The following ALOX12 variants were observed in gnomAD, a reference collection of about 807,000 sequenced individuals.
ALOX12 encodes the protein polyunsaturated fatty acid lipoxygenase ALOX12.
Under a neutral mutation model 85.5 loss-of-function variants are expected in ALOX12, and 62 were observed. That is an observed-to-expected ratio of 0.73 (90% CI 0.59 to 0.90). The LOEUF (loss-of-function observed/expected upper bound fraction) is 0.90. ALOX12 is among the 40% of genes least tolerant of loss of function. The pLI, the probability that ALOX12 is intolerant of heterozygous loss-of-function variation, is 0.00. For synonymous variants in ALOX12, 299 were observed against 332.7 expected (o/e 0.90, Z 1.10); for missense variants, 751 against 856.5 (o/e 0.88, Z 1.54).
Position 7,000,403 on chromosome 17 carries a change from A to C in ALOX12, c.875A>C (p.Glu292Ala), listed in dbSNP as rs1025424746. Residue 292 changes from glutamate to alanine, a missense_variant, in exon 7 of 14, where the codon GAG becomes GCG. Physicochemically the swap from Glu to Ala is moderately radical, Grantham distance 107. Coordinates refer to ENST00000251535, the MANE Select transcript of ALOX12 (RefSeq NM_000697.3). The surrounding 1 kb of genome is among the most constrained non-coding windows in gnomAD (Gnocchi z 4.6). ...DGIPANVIRG[E>A]KQYLAAPLVM... ...ATTCCAGCCAACGTGATCCGAGGAG[A>C]GAAGCAATACCTGGCTGCCCCCCTC... is the stretch of plus-strand genomic sequence containing the variant. 1.9e-6 allele frequency: 3 copies of C among 1,613,950 alleles called. No homozygotes were observed. The highest frequency in any genetic ancestry group is 2.7e-5 in the African/African-American group (2 of 74,888).
chr17:7,000,019 C>T lies in ALOX12; in HGVS notation c.808-317C>T, dbSNP rs549780573. Among the ~76,000 whole-genome samples the T allele has an allele frequency of 2.6e-5, 4 of 152,220 alleles. No homozygotes were observed. Among genetic ancestry groups the T allele is most frequent in the South Asian group, 2.1e-4 (1 of 4,820 alleles). The stretch of plus-strand genomic sequence containing the variant: ...AGCCAAAACCAGAGCGCAGACCATT[C>T]GGGAATGATCAGAAAGGGGCCTGGC... On this transcript the variant is annotated intron_variant, in intron 6 of 13. Transcript: ENST00000251535. The surrounding 1 kb of genome is among the most constrained non-coding windows in gnomAD (Gnocchi z 4.6).
At chr17:6,997,395 C>G (rs576891736) in intron 2 of ALOX12, among the ~76,000 whole-genome samples, 37 of 151,416 alleles carry the variant, frequency 2.4e-4, no homozygotes, top group African/African-American at 7.5e-4. Flanking sequence ...CCACATGGAA[C>G]AGGAGGGGGT....
rs143159600 is a variant in ALOX12, at chr17:7,000,798, CT to C, written c.951+320del. ...GACCAGACTTTCTGATTCAGTATGT[CT>C]GGGGTGGGAACTAAGAGTTTGCGTT... On this transcript the variant is annotated intron_variant, in intron 7 of 13. Coordinates refer to ENST00000251535, the MANE Select transcript of ALOX12 (RefSeq NM_000697.3). This position sits in a 1 kb window ranked among gnomAD's most constrained non-coding sequence, Gnocchi z 4.6. Among the ~76,000 whole-genome samples, 120 of 152,234 alleles carry C rather than the reference CT, an allele frequency of 7.9e-4. 1 individual carries two copies. The East Asian group carries it at 0.013, about 17-fold the overall frequency.
intron 8 of ALOX12, chr17:7,002,023 T>C: frequency 1.7e-6 from 1 of 581,486 alleles, no homozygotes. Flanking sequence ...CTCAGAGATC[T>C]GACAGTCTAG....
intron 11 of ALOX12, 129 bp downstream of exon 11, chr17:7,006,736 G>C (rs1453744907): frequency 1.6e-6 from 2 of 1,270,402 alleles, no homozygotes; most frequent in Non-Finnish European, 2.1e-6. Flanking sequence ...ACACGGGAAA[G>C]CATGTGTATC....
chr17:7,005,003 G>C (rs1413292906), intron 8 of ALOX12, among the ~76,000 whole-genome samples: 2 of 151,920 alleles, frequency 1.3e-5, no homozygotes, highest in Non-Finnish European at 2.9e-5. Flanking sequence ...AGAGATTGCA[G>C]ATTAAAAGGT....
chr17:6,998,897 A>T lies in ALOX12; in HGVS notation c.543-56A>T. On this transcript the variant is annotated intron_variant, in intron 4 of 13. Coordinates refer to ENST00000251535, the MANE Select transcript of ALOX12 (RefSeq NM_000697.3). ...GGCTGGGAGGGCCAAGAATGATGAT[A>T]GACGGTGAGGGACTGAGGGATCAGC... 9 of 1,614,098 alleles carry T rather than the reference A, an allele frequency of 5.6e-6. 1 individual carries two copies. In the South Asian group the frequency reaches 8.8e-5, roughly 16 times the overall value.
intron 8 of ALOX12, chr17:7,002,520 G>A (rs376921108): frequency 1.4e-4 from 67 of 468,962 alleles, no homozygotes; most frequent in African/African-American, 1.1e-3. Flanking sequence ...GGGTGTGGTG[G>A]TTCACGCCTG....
At position 7,001,679 on chromosome 17, in the gene ALOX12, A is replaced by G. The variant is rs140313041; in HGVS notation, c.1029A>G (p.Ala343=). 6.2e-7 allele frequency: 1 copy of G among 1,614,202 alleles called. No individual in the cohort carries two copies. Among genetic ancestry groups the G allele is most frequent in the Admixed American group, 1.7e-5 (1 of 60,010 alleles). Residue 343 remains alanine (A), a synonymous_variant, in exon 8 of 14, where the codon GCA becomes GCG. Coordinates refer to ENST00000251535, the MANE Select transcript of ALOX12 (RefSeq NM_000697.3). The part of the protein sequence containing the change: ...PSDPPLAWLL[A]KSWVRNSDFQ... ...ACCCCCCACTTGCCTGGCTCCTGGC[A>G]AAGTCCTGGGTCCGAAATTCAGATT...
intron 1 of ALOX12, 45 bp from the exon 2 acceptor site, chr17:6,996,781 G>C: frequency 6.4e-7 from 1 of 1,569,154 alleles, no homozygotes; most frequent in Non-Finnish European, 8.7e-7. Flanking sequence ...AACGGCCTCA[G>C]TCGGGTCCCT....
chr17:7,005,310 C>T lies in ALOX12; in HGVS notation c.1215C>T (p.Thr405=), dbSNP rs752168885. The T allele has an allele frequency of 1.2e-6, 2 of 1,613,828 alleles. No individual in the cohort carries two copies. The highest frequency in any genetic ancestry group is 4.5e-5 in the East Asian group (2 of 44,868). Residue 405 remains threonine (T), a synonymous_variant, in exon 9 of 14, where the codon ACC becomes ACT. Coordinates refer to ENST00000251535, the MANE Select transcript of ALOX12 (RefSeq NM_000697.3). The part of the protein sequence containing the change: ...YTMEINTRAR[T]QLISDGGIFD... ...TGGAAATCAACACCCGGGCCCGGACCCAACTCATCTCAGATGGAGGAATTT... is the reference window on the plus strand; with the variant it reads ...TGGAAATCAACACCCGGGCCCGGACTCAACTCATCTCAGATGGAGGAATTT...
chr17:6,997,103 CG>C, intron 2 of ALOX12, 76 bp downstream of exon 2: 1 of 1,467,688 alleles, frequency 6.8e-7, no homozygotes, highest in African/African-American at 1.4e-5. Context: ...GAGTTAAGGA[CG>C]GTCGGAGCAG....
chr17:7,006,394 A>G, intron 10 of ALOX12, 92 bp from the exon 11 acceptor site: 1 of 1,583,002 alleles, frequency 6.3e-7, no homozygotes, highest in South Asian at 1.1e-5. Context: ...CTTCCCAGAT[A>G]CTGTGGAAGC....
At chr17:6,999,235 C>A (rs1597851000) in intron 5 of ALOX12, 71 bp from the exon 6 acceptor site, 5 of 1,599,192 alleles carry the variant, frequency 3.1e-6, no homozygotes, top group Non-Finnish European at 4.3e-6. Context: ...TACCTGAACC[C>A]CTGGGGTAGA....
intron 7 of ALOX12, 82 bp from the exon 8 acceptor site, chr17:7,001,520 C>G (rs1408884845): frequency 7.4e-7 from 1 of 1,348,030 alleles, no homozygotes; most frequent in Admixed American, 1.8e-5. Context: ...AATAATCTTA[C>G]TTAGTCATCT....
At chr17:7,004,440 T>G (rs900674563) in intron 8 of ALOX12, among the ~76,000 whole-genome samples, 2 of 145,952 alleles carry the variant, frequency 1.4e-5, no homozygotes, top group Admixed American at 6.8e-5. Context: ...TAAATTAAAT[T>G]TTAATATTTT....
chr17:7,001,684 C>G lies in ALOX12; in HGVS notation c.1034C>G (p.Ser345Cys). 6.2e-7 allele frequency: 1 copy of G among 1,614,174 alleles called. No homozygotes were observed. The highest frequency in any genetic ancestry group is 8.5e-7 in the Non-Finnish European group (1 of 1,180,022). Residue 345 changes from serine (S) to cysteine (C), a missense_variant, in exon 8 of 14, where the codon TCC becomes TGC. Transcript: ENST00000251535. Reference protein sequence around the residue: ...DPPLAWLLAKSWVRNSDFQLH... With the variant: ...DPPLAWLLAKCWVRNSDFQLH... Reference sequence around the variant, plus strand: ...CCACTTGCCTGGCTCCTGGCAAAGTCCTGGGTCCGAAATTCAGATTTCCAA... The same window carrying G: ...CCACTTGCCTGGCTCCTGGCAAAGTGCTGGGTCCGAAATTCAGATTTCCAA...
At chr17:7,006,649 CT>C in intron 11 of ALOX12, 42 bp downstream of exon 11, 1 of 1,525,944 alleles carries the variant, frequency 6.6e-7, no homozygotes, top group Non-Finnish European at 8.8e-7. Flanking sequence ...CTGGGAGACT[CT>C]GCCAGGGCGC....
At position 6,999,031 on chromosome 17, in the gene ALOX12, C is replaced by T. The variant is rs1405337000; in HGVS notation, c.621C>T (p.Phe207=). 6.8e-6 allele frequency: 11 copies of T among 1,613,996 alleles called. No homozygotes were observed. The highest frequency in any genetic ancestry group is 8.5e-6 in the Non-Finnish European group (10 of 1,180,040). ...WNCLEDFDQI[F]WGQKSALAEK... ...GCCTAGAAGACTTTGATCAGATCTT[C>T]TGGGGCCAGAAGAGTGCCCTGGCTG... The change falls in exon 5 of 14, where the codon TTC becomes TTT. Residue 207 remains phenylalanine (F), a synonymous_variant. Coordinates refer to ENST00000251535, the MANE Select transcript of ALOX12 (RefSeq NM_000697.3).
Sources: allele counts gnomAD v4.1 joint callset (sites outside exome capture counted in the v4.1 genomes callset), GRCh38; gene constraint gnomAD v4.1.1; non-coding constraint Gnocchi (gnomAD v3.1); transcripts MANE v1.5; gene names NCBI Gene and HGNC (gene_info 2026-07-23, HGNC 2026-07-21).